ST7: variants seen among roughly 807,000 people sequenced by gnomAD.
ST7 encodes the protein suppression of tumorigenicity 7, also known as suppressor of tumorigenicity 7 protein.
A neutral mutation model predicts 78.7 loss-of-function variants in ST7; 28 were observed. That is an observed-to-expected ratio of 0.36 (90% CI 0.26 to 0.49). The LOEUF (loss-of-function observed/expected upper bound fraction) is 0.49. Ranked by LOEUF, ST7 falls within the 20% of genes least tolerant of loss-of-function variation. ST7 has a pLI of 0.99. For missense variants in ST7, 418 were observed against 696.0 expected (o/e 0.60, Z 4.49); for synonymous variants, 247 against 249.6 (o/e 0.99, Z 0.10).
chr7:117,126,537 C>A (rs771952526), intron 3 of ST7, among the ~76,000 whole-genome samples: 6 of 151,784 alleles, frequency 4.0e-5, no homozygotes, highest in Non-Finnish European at 8.8e-5. Flanking sequence ...AAGACATAAG[C>A]TATTATCTTT....
intron 15 of ST7, chr7:117,223,306 C>T (rs963643020): frequency 3.4e-6 from 1 of 295,056 alleles, no homozygotes; most frequent in Admixed American, 4.8e-5. Context: ...CCTCCACCGT[C>T]TTTCTTTTAT....
In ST7 at chr7:117,224,024, A is replaced by G. The variant is rs1223672423; in HGVS notation, c.1638+1962A>G. The G allele has an allele frequency of 4.8e-6, 4 of 840,754 alleles. No individual in the cohort carries two copies. The East Asian group carries it at 4.9e-4, about 103-fold the overall frequency. The allele number at this position is 840,754 out of a possible 1,614,324, so 52.1% of individuals were successfully genotyped here. On this transcript the variant is annotated intron_variant, in intron 15 of 15. Transcript: ENST00000323984. ...GCCTCTTAGAGTTGAAAGGGACCTG[A>G]AGCAAATTGCCTTTAATAGCAACCC...
At chr7:117,052,851 G>A (rs887626210) in intron 1 of ST7, among the ~76,000 whole-genome samples, 2 of 152,116 alleles carry the variant, frequency 1.3e-5, no homozygotes, top group Non-Finnish European at 2.9e-5. Context: ...CTGAGATCGC[G>A]CCACTGCACT....
chr7:117,006,187 TC>T (rs1795151000), intron 1 of ST7, among the ~76,000 whole-genome samples: 1 of 152,236 alleles, frequency 6.6e-6, no homozygotes, highest in African/African-American at 2.4e-5. Context: ...AAGAACAGTG[TC>T]CATATCTTAT....
intron 6 of ST7, 36 bp from the exon 7 acceptor site, chr7:117,134,088 T>C: frequency 6.2e-7 from 1 of 1,609,170 alleles, no homozygotes; most frequent in South Asian, 1.1e-5. Context: ...TCCTATCAAT[T>C]TTCATTTTAC....
At chr7:117,038,733 T>C (rs1000511907) in intron 1 of ST7, among the ~76,000 whole-genome samples, 6 of 152,322 alleles carry the variant, frequency 3.9e-5, no homozygotes, top group East Asian at 3.9e-4. Context: ...ATTTACACTA[T>C]AGGCAGATAC....
rs1210411408 is a variant in ST7 at position 117,167,621 on chromosome 7, C to G, written c.964-3241C>G. Among the ~76,000 whole-genome samples, 5 of 151,912 alleles carry G rather than the reference C, an allele frequency of 3.3e-5. No homozygotes were observed. The South Asian group carries it at 1.0e-3, about 32-fold the overall frequency. On this transcript the variant is annotated intron_variant, in intron 9 of 15. Coordinates refer to ENST00000323984, the MANE Select transcript of ST7 (RefSeq NM_001369598.1). ...CCCCATGGAGATGCTGATGCTGAGA[C>G]CCTGGAAATGACAACAGTTCTAGAG...
intron 1 of ST7, among the ~76,000 whole-genome samples, chr7:116,962,814 G>T (rs963387821): frequency 3.3e-5 from 5 of 152,088 alleles, no homozygotes; most frequent in Non-Finnish European, 1.5e-5. Flanking sequence ...TCTAGATATA[G>T]GATCATGTCG....
Position 117,219,068 on chromosome 7 carries a change from T to C in ST7, c.1406-16T>C. 6.2e-7 allele frequency: 1 copy of C among 1,601,328 alleles called. No homozygotes were observed. The highest frequency in any genetic ancestry group is 8.5e-7 in the Non-Finnish European group (1 of 1,174,516). On this transcript the variant is annotated splice_polypyrimidine_tract_variant and intron_variant, in intron 13 of 15. Transcript: ENST00000323984. This position sits in a 1 kb window ranked among gnomAD's most constrained non-coding sequence, Gnocchi z 5.1. ...CAAACATTGGACATCTCTGACATATTTTTTCTCGTTTTCAGCTTTTCGGAT... is the reference window on the plus strand; with the variant it reads ...CAAACATTGGACATCTCTGACATATCTTTTCTCGTTTTCAGCTTTTCGGAT...
intron 1 of ST7, among the ~76,000 whole-genome samples, chr7:117,082,721 A>T (rs945384848): frequency 2.6e-5 from 4 of 152,256 alleles, no homozygotes; most frequent in African/African-American, 7.2e-5. Context: ...TTCTGTAAAG[A>T]GCCAGACAGT....
At chr7:116,969,774 T>C (rs1316717538) in intron 1 of ST7, among the ~76,000 whole-genome samples, 2 of 152,112 alleles carry the variant, frequency 1.3e-5, no homozygotes, top group Non-Finnish European at 2.9e-5. Flanking sequence ...GAACGCTTTA[T>C]TGTAGAAAAA....
intron 1 of ST7, among the ~76,000 whole-genome samples, chr7:116,968,238 C>A (rs1204261886): frequency 7.2e-6 from 1 of 138,736 alleles, no homozygotes; most frequent in Non-Finnish European, 1.5e-5. Flanking sequence ...CCTCCCTATC[C>A]CCTCCCCTAC....
intron 1 of ST7, among the ~76,000 whole-genome samples, chr7:117,094,200 A>T (rs958221151): frequency 6.6e-6 from 1 of 152,138 alleles, no homozygotes; most frequent in Non-Finnish European, 1.5e-5. Context: ...GTAATTTCAC[A>T]TATCTAATTC....
chr7:117,022,672 A>G (rs1795985200), intron 1 of ST7, among the ~76,000 whole-genome samples: 1 of 152,212 alleles, frequency 6.6e-6, no homozygotes, highest in Admixed American at 6.5e-5. Flanking sequence ...TATCGTAAGA[A>G]ATACTTGTTT....
At chr7:117,221,843 A>C (rs1793116124) in intron 14 of ST7, 80 bp from the exon 15 acceptor site, 13 of 1,430,684 alleles carry the variant, frequency 9.1e-6, no homozygotes, top group African/African-American at 2.9e-5. Flanking sequence ...CAAGCTCTGG[A>C]GTCAGTGCCA....
intron 1 of ST7, among the ~76,000 whole-genome samples, chr7:116,964,106 G>A (rs1382929768): frequency 2.0e-5 from 3 of 152,128 alleles, no homozygotes; most frequent in Non-Finnish European, 4.4e-5. Flanking sequence ...GTATAAAATC[G>A]TCTTAAATAA....
intron 12 of ST7, among the ~76,000 whole-genome samples, chr7:117,196,437 A>G (rs536932294): frequency 6.6e-6 from 1 of 152,176 alleles, no homozygotes; most frequent in East Asian, 1.9e-4. Context: ...AACCCTTGTT[A>G]TTTTGTTGAG....
intron 12 of ST7, among the ~76,000 whole-genome samples, chr7:117,194,416 C>T (rs1280896808): frequency 6.6e-6 from 1 of 152,198 alleles, no homozygotes; most frequent in East Asian, 1.9e-4. Flanking sequence ...CCTTCACCAC[C>T]CCCATTAAGA....
intron 9 of ST7, among the ~76,000 whole-genome samples, chr7:117,156,118 C>T (rs1806670207): frequency 6.6e-6 from 1 of 152,208 alleles, no homozygotes; most frequent in Non-Finnish European, 1.5e-5. Context: ...TTATCATGAT[C>T]TGACAGTCTA....
Sources: allele counts gnomAD v4.1 joint callset (sites outside exome capture counted in the v4.1 genomes callset), GRCh38; gene constraint gnomAD v4.1.1; non-coding constraint Gnocchi (gnomAD v3.1); transcripts MANE v1.5; gene names NCBI Gene and HGNC (gene_info 2026-07-23, HGNC 2026-07-21).